Variants in USP45 observed in about 807,000 individuals in gnomAD.
USP45 encodes the protein ubiquitin carboxyl-terminal hydrolase 45.
USP45 carries 89 observed loss-of-function variants against 95.8 expected under a neutral mutation model. The ratio of observed to expected loss-of-function variants is 0.93; its 90% CI spans 0.78 to 1.11. The LOEUF (loss-of-function observed/expected upper bound fraction) is 1.11, where lower values mean the gene tolerates loss of function less well. Ranked by LOEUF, USP45 falls within the 50% of genes least tolerant of loss-of-function variation. USP45 has a pLI of 0.00. For synonymous variants in USP45, 281 were observed against 316.2 expected (o/e 0.89, Z 1.18); for missense variants, 898 against 942.5 (o/e 0.95, Z 0.62).
intron 8 of USP45, among the ~76,000 whole-genome samples, chr6:99,481,438 T>C (rs763579624): frequency 2.0e-5 from 3 of 152,218 alleles, no homozygotes; most frequent in Non-Finnish European, 4.4e-5. Flanking sequence ...AAGAAAACTA[T>C]ACAAAACAAG....
intron 13 of USP45, among the ~76,000 whole-genome samples, chr6:99,463,720 G>C: frequency 6.7e-6 from 1 of 148,990 alleles, no homozygotes; most frequent in East Asian, 2.0e-4. Context: ...GCTGAGGCAG[G>C]AGAATCGCTT....
intron 1 of USP45, among the ~76,000 whole-genome samples, chr6:99,510,740 C>T (rs1799598385): frequency 6.6e-6 from 1 of 152,174 alleles, no homozygotes; most frequent in African/African-American, 2.4e-5. Context: ...AGAAATAAGT[C>T]TGTGTTGTTT....
rs74890544 is a variant in USP45, at chr6:99,433,408, A to G, written c.*2308T>C. On this transcript the variant is annotated 3_prime_UTR_variant, in exon 18 of 18. Transcript: ENST00000500704. The stretch of plus-strand genomic sequence containing the variant: ...CTGAGGTGATCCAGAAACTACTGTT[A>G]TTATAGTAGACTTGCTACTATATAC... The G allele has an allele frequency of 1.4e-4, 21 of 152,758 alleles. No individual in the cohort carries two copies. In the East Asian group the frequency reaches 3.7e-3, roughly 27 times the overall value. 9.5% of individuals were successfully genotyped at this position (152,758 alleles called of 1,614,324 possible).
chr6:99,446,000 T>C lies in USP45; in HGVS notation c.1772A>G (p.Glu591Gly), dbSNP rs1562307796. Residue 591 changes from glutamate to glycine, a missense_variant, in exon 14 of 18, where the codon GAG becomes GGG. Coordinates refer to ENST00000500704, the MANE Select transcript of USP45 (RefSeq NM_001346022.3). ...ACTATAAGACCTCAAATGCTTCCCCTCTAAAAAACATAAATTATTTGAAAT... is the reference window on the plus strand; with the variant it reads ...ACTATAAGACCTCAAATGCTTCCCCCCTAAAAAACATAAATTATTTGAAAT... ...LNISNNLCFLEGKHLRSYSPQ... is the reference protein window; with the variant it reads ...LNISNNLCFLGGKHLRSYSPQ... 1.2e-6 allele frequency: 2 copies of C among 1,613,958 alleles called. No individual in the cohort carries two copies. Among genetic ancestry groups the C allele is most frequent in the South Asian group, 2.2e-5 (2 of 91,058 alleles).
At chr6:99,490,994 G>GT (rs1394882484) in intron 5 of USP45, among the ~76,000 whole-genome samples, 3 of 151,786 alleles carry the variant, frequency 2.0e-5, no homozygotes, top group Non-Finnish European at 2.9e-5. Context: ...CCCTATTCCT[G>GT]TTTTTTTTAT....
At chr6:99,497,870 C>G (rs1430157260) in intron 5 of USP45, among the ~76,000 whole-genome samples, 2 of 152,188 alleles carry the variant, frequency 1.3e-5, no homozygotes, top group Non-Finnish European at 2.9e-5. Flanking sequence ...GAGCTCTCGT[C>G]AATGAGCTAT....
At chr6:99,472,273 A>G (rs1789609809) in intron 9 of USP45, among the ~76,000 whole-genome samples, 1 of 147,302 alleles carries the variant, frequency 6.8e-6, no homozygotes, top group African/African-American at 2.5e-5. Flanking sequence ...TCTAGAGTGC[A>G]GTGCCGCGAT....
intron 9 of USP45, among the ~76,000 whole-genome samples, chr6:99,472,258 C>T (rs926816591): frequency 5.4e-5 from 8 of 148,726 alleles, no homozygotes; most frequent in African/African-American, 1.7e-4. Flanking sequence ...CACTCCCTCA[C>T]CCAGTCTAGA....
intron 1 of USP45, chr6:99,515,169 AG>A: frequency 6.6e-6 from 1 of 152,386 alleles, no homozygotes; most frequent in East Asian, 1.9e-4. Context: ...CCCGACGCCC[AG>A]GGCTTCTCCC....
At position 99,435,769 on chromosome 6, in the gene USP45, AT is replaced by A; in HGVS notation, c.2391del (p.Glu797AspfsTer21). 1 of 1,613,762 alleles carries A rather than the reference AT, an allele frequency of 6.2e-7. No individual in the cohort carries two copies. Among genetic ancestry groups the A allele is most frequent in the African/African-American group, 1.3e-5 (1 of 75,054 alleles). Reference protein sequence around the residue: ...VSDTYLQVVPESRALSAQAYL... With the variant: ...VSDTYLQVVPXSRALSAQAYL... ...TAGGCTTGTGCACTAAGTGCTCTTG[AT>A]TCTGGAACCACCTGTAAGTAAGTGT... On this transcript the variant is annotated frameshift_variant, in exon 18 of 18. Coordinates refer to ENST00000500704, the MANE Select transcript of USP45 (RefSeq NM_001346022.3). LOFTEE classifies it high-confidence loss of function.
chr6:99,498,731 C>G (rs1796800049), intron 5 of USP45, among the ~76,000 whole-genome samples: 1 of 152,118 alleles, frequency 6.6e-6, no homozygotes, highest in South Asian at 2.1e-4. Flanking sequence ...TTCATTCACT[C>G]TCAATTATAC....
intron 5 of USP45, among the ~76,000 whole-genome samples, chr6:99,490,586 A>G (rs1486693116): frequency 4.6e-5 from 7 of 151,972 alleles, no homozygotes; most frequent in Non-Finnish European, 1.0e-4. Flanking sequence ...TGATTGATGG[A>G]AATAGGGGAA....
chr6:99,488,337 T>C (rs746820850), intron 6 of USP45, 42 bp from the exon 7 acceptor site: 1 of 1,310,034 alleles, frequency 7.6e-7, no homozygotes, highest in Non-Finnish European at 1.1e-6. Context: ...TCAGTTAAAA[T>C]ATGCCTCTGA....
chr6:99,460,592 G>A (rs1167160575), intron 13 of USP45, among the ~76,000 whole-genome samples: 4 of 152,076 alleles, frequency 2.6e-5, no homozygotes, highest in Non-Finnish European at 2.9e-5. Context: ...GGTAAAATCA[G>A]GTAAGATCCC....
chr6:99,515,484 C>T (rs1801006902), upstream of USP45: 2 of 152,184 alleles, frequency 1.3e-5, no homozygotes, highest in Non-Finnish European at 2.9e-5. Flanking sequence ...CGTTCGCCCG[C>T]CCCCAGCCAG....
In USP45 at chr6:99,445,787, A is replaced by C; in HGVS notation, c.1975+10T>G. 6.5e-7 allele frequency: 1 copy of C among 1,531,180 alleles called. No homozygotes were observed. The highest frequency in any genetic ancestry group is 8.7e-7 in the Non-Finnish European group (1 of 1,144,432). The allele number at this position is 1,531,180 out of a possible 1,614,324, so 94.8% of individuals were successfully genotyped here. ...GAGATCAATAATTATGTAATTAAAA[A>C]AATAATTACCTGCAAAACTGGTTTC... On this transcript the variant is annotated intron_variant, in intron 14 of 17. Transcript: ENST00000500704.
intron 13 of USP45, among the ~76,000 whole-genome samples, chr6:99,459,985 T>C (rs1193442207): frequency 6.6e-6 from 1 of 152,202 alleles, no homozygotes; most frequent in Admixed American, 6.5e-5. Flanking sequence ...TCACATAATT[T>C]TCCAATAAAA....
chr6:99,512,159 A>G (rs1371788496), intron 1 of USP45, among the ~76,000 whole-genome samples: 1 of 152,086 alleles, frequency 6.6e-6, no homozygotes, highest in East Asian at 1.9e-4. Flanking sequence ...CTTTTAATCT[A>G]TTAACAGAAC....
chr6:99,436,421 T>A (rs556310877), intron 17 of USP45, among the ~76,000 whole-genome samples: 1 of 115,784 alleles, frequency 8.6e-6, no homozygotes, highest in East Asian at 9.7e-4. Flanking sequence ...CCGGGTGTGG[T>A]GGCAGGCGCC....
Sources: allele counts gnomAD v4.1 joint callset (sites outside exome capture counted in the v4.1 genomes callset), GRCh38; gene constraint gnomAD v4.1.1; transcripts MANE v1.5; gene names NCBI Gene and HGNC (gene_info 2026-07-23, HGNC 2026-07-21).